ZNF91: variants seen among roughly 807,000 people sequenced by gnomAD.
ZNF91 encodes the protein zinc finger protein 91 (HPF7, HTF10).
In ZNF91, 7 loss-of-function variants were observed where a neutral mutation model predicts 12.6. The ratio of observed to expected loss-of-function variants is 0.55; its 90% CI spans 0.31 to 1.04. The LOEUF (loss-of-function observed/expected upper bound fraction) is 1.04, where lower values mean the gene tolerates loss of function less well. Ranked by LOEUF, ZNF91 falls within the 50% of genes least tolerant of loss-of-function variation. The probability of loss-of-function intolerance (pLI) is 0.05; values close to 1 mark genes in which losing one functional copy is unlikely to be tolerated. For missense variants in ZNF91, 1,217 were observed against 1,385.4 expected, an observed-to-expected ratio of 0.88 and a Z score of 1.93; for synonymous variants, 453 against 462.6, an observed-to-expected ratio of 0.98 and a Z score of 0.27.
In ZNF91 at chr19:23,373,765, T is replaced by A; in HGVS notation, c.230A>T (p.His77Leu). The change falls in exon 3 of 4, where the codon CAT becomes CTT. Residue 77 changes from histidine to leucine, a missense_variant. Physicochemically the swap from His to Leu is moderately conservative, Grantham distance 99. Around this residue, in one of 2 missense-constraint regions of ZNF91, gnomAD observed 726 missense variants for 895.5 expected, o/e 0.81. Coordinates refer to ENST00000300619, the MANE Select transcript of ZNF91 (RefSeq NM_003430.4). Reference protein sequence around the residue: ...QGKEPWNMKQHEMVDEPTGIC... With the variant: ...QGKEPWNMKQLEMVDEPTGIC... ...ACCTGTGGGTTCATCCACCATCTCATGTTGCTTCATATTCCAGGGCTCTTT... is the reference window on the plus strand; with the variant it reads ...ACCTGTGGGTTCATCCACCATCTCAAGTTGCTTCATATTCCAGGGCTCTTT... 1 of 1,610,876 alleles carries A rather than the reference T, an allele frequency of 6.2e-7. No homozygotes were observed. The highest frequency in any genetic ancestry group is 1.7e-5 in the Admixed American group (1 of 59,858).
intron 1 of ZNF91, among the ~76,000 whole-genome samples, chr19:23,375,984 C>A (rs747782471): frequency 7.9e-5 from 12 of 152,186 alleles, no homozygotes; most frequent in Non-Finnish European, 1.8e-4. Flanking sequence ...GTACAGGTAT[C>A]TTCCGTGTTC....
chr19:23,324,871 G>A (rs1967808801), intron 1 of ZNF91: 1 of 151,952 alleles, frequency 6.6e-6, no homozygotes. Context: ...TTGCAAAATT[G>A]TTACATAACT....
downstream of ZNF91, among the ~76,000 whole-genome samples, chr19:23,336,585 C>T (rs1354340575): frequency 1.3e-5 from 2 of 152,180 alleles, no homozygotes; most frequent in African/African-American, 2.4e-5. Context: ...AGCTCCTTTT[C>T]CTATTAGCAG....
At chr19:23,374,521 C>G in intron 2 of ZNF91, 117 bp downstream of exon 2, 3 of 1,083,464 alleles carry the variant, frequency 2.8e-6, no homozygotes, top group Non-Finnish European at 3.7e-6. Context: ...GATCTCGCCA[C>G]TGCACTCCAG....
rs570725966 is a variant in ZNF91 at position 23,367,970 on chromosome 19, C to A, written c.254-5245G>T. ...TGTTACCCAGGCTGGAGTGCAGTGGCGCAGTCTCGGCTCACTGCAACCTCT... is the reference window on the plus strand; with the variant it reads ...TGTTACCCAGGCTGGAGTGCAGTGGAGCAGTCTCGGCTCACTGCAACCTCT... On this transcript the variant is annotated intron_variant, in intron 3 of 3. Transcript: ENST00000300619. 1.5e-4 allele frequency among the ~76,000 whole-genome samples: 23 copies of A among 152,054 alleles called. 2 individuals carry two copies. The South Asian group carries it at 4.8e-3, about 32-fold the overall frequency.
intron 3 of ZNF91, among the ~76,000 whole-genome samples, chr19:23,371,458 T>G (rs1352099372): frequency 6.6e-6 from 1 of 152,222 alleles, no homozygotes; most frequent in East Asian, 1.9e-4. Flanking sequence ...AATCTGATTG[T>G]GATAGACATA....
chr19:23,354,227 C>T (rs1048620979), downstream of ZNF91, among the ~76,000 whole-genome samples: 8 of 152,026 alleles, frequency 5.3e-5, no homozygotes, highest in South Asian at 6.2e-4. Context: ...AAAAACATGT[C>T]GAAAAGAATA....
At chr19:23,356,536 G>A (rs1448979221), downstream of ZNF91, among the ~76,000 whole-genome samples, 1 of 152,168 alleles carries the variant, frequency 6.6e-6, no homozygotes, top group Admixed American at 6.5e-5. Flanking sequence ...GGTATGCTAT[G>A]AGGATGCAAA....
chr19:23,335,114 G>T (rs185803396), downstream of ZNF91, among the ~76,000 whole-genome samples: 1 of 152,264 alleles, frequency 6.6e-6, no homozygotes, highest in East Asian at 1.9e-4. Flanking sequence ...GTTTGCCTGG[G>T]TACCAGTAGA....
At chr19:23,375,260 C>T (rs1032801335) in intron 1 of ZNF91, among the ~76,000 whole-genome samples, 7 of 151,896 alleles carry the variant, frequency 4.6e-5, no homozygotes, top group East Asian at 3.9e-4. Flanking sequence ...TCCCGGGTTC[C>T]GTGATTCTCC....
chr19:23,333,160 C>T (rs2145872948), intron 1 of ZNF91, among the ~76,000 whole-genome samples: 2 of 152,254 alleles, frequency 1.3e-5, no homozygotes, highest in Non-Finnish European at 2.9e-5. Context: ...ATTCAAGGAC[C>T]CATATGAAAC....
intron 1 of ZNF91, among the ~76,000 whole-genome samples, chr19:23,393,810 G>A (rs1360897209): frequency 2.6e-5 from 4 of 152,112 alleles, no homozygotes; most frequent in African/African-American, 9.7e-5. Flanking sequence ...GACCAGCCTG[G>A]CCAACATAGT....
chr19:23,381,107 G>A (rs191490897), intron 1 of ZNF91, among the ~76,000 whole-genome samples: 9 of 152,054 alleles, frequency 5.9e-5, no homozygotes. Context: ...TAACAATTTG[G>A]TAATACATTT....
upstream of ZNF91, among the ~76,000 whole-genome samples, chr19:23,314,674 A>AG (rs1233834471): frequency 6.6e-6 from 1 of 151,988 alleles, no homozygotes; most frequent in African/African-American, 2.4e-5. Context: ...TACCCACAGA[A>AG]GGCATGTTTA....
chr19:23,345,786 T>A (rs530706190), intron 3 of ZNF91, among the ~76,000 whole-genome samples: 1 of 152,128 alleles, frequency 6.6e-6, no homozygotes, highest in East Asian at 1.9e-4. Context: ...GTCAGCAGTA[T>A]CCACTTCTTT....
chr19:23,320,252 T>A (rs140123844), intron 1 of ZNF91, among the ~76,000 whole-genome samples: 5 of 152,104 alleles, frequency 3.3e-5, no homozygotes, highest in East Asian at 3.9e-4. Context: ...ACACAGCCAA[T>A]TGGGGAGGTG....
chr19:23,331,217 C>A (rs1250569518), intron 1 of ZNF91, among the ~76,000 whole-genome samples: 1 of 151,998 alleles, frequency 6.6e-6, no homozygotes, highest in East Asian at 1.9e-4. Context: ...ATATGTTAGA[C>A]CTTCTATTGT....
chr19:23,309,049 C>A (rs944185544), exon 2 of ZNF91: 5 of 146,750 alleles, frequency 3.4e-5, no homozygotes, highest in African/African-American at 1.3e-4. Flanking sequence ...AATGACATAT[C>A]TTTTCATTCA....
intron 3 of ZNF91, among the ~76,000 whole-genome samples, chr19:23,366,712 C>T (rs1446924184): frequency 6.6e-6 from 1 of 152,194 alleles, no homozygotes; most frequent in Non-Finnish European, 1.5e-5. Context: ...AACCAGCTTT[C>T]ATTTGAATTA....
Sources: gnomAD v4.1 joint callset for allele counts (sites outside exome capture counted in the v4.1 genomes callset) on GRCh38, gnomAD v4.1.1 for gene constraint, gnomAD v4.1.1 regional missense constraint, MANE v1.5 for transcripts, NCBI Gene and HGNC (gene_info 2026-07-23, HGNC 2026-07-21) for gene names.